Variants in FOXP2 observed in about 807,000 individuals in gnomAD.
FOXP2 encodes the protein forkhead box P2.
FOXP2 carries 12 observed loss-of-function variants against 115.8 expected under a neutral mutation model. The ratio of observed to expected loss-of-function variants is 0.10; its 90% CI spans 0.07 to 0.17. The LOEUF (loss-of-function observed/expected upper bound fraction) is 0.17, where lower values mean the gene tolerates loss of function less well. Among genes scored for constraint, FOXP2 ranks in the 10% least tolerant of loss-of-function variants. FOXP2 has a pLI of 1.00. For synonymous variants in FOXP2, 328 were observed against 297.7 expected, an observed-to-expected ratio of 1.10 and a Z score of -1.05; for missense variants, 629 against 843.5, an observed-to-expected ratio of 0.75 and a Z score of 3.15.
intron 1 of FOXP2, among the ~76,000 whole-genome samples, chr7:114,217,159 G>T (rs533937767): frequency 1.3e-5 from 2 of 152,062 alleles, no homozygotes; most frequent in Admixed American, 6.5e-5. Context: ...GAAGTAAAAC[G>T]CATGGTTTGT....
chr7:114,243,062 A>G (rs141539905), intron 1 of FOXP2, among the ~76,000 whole-genome samples: 146 of 152,186 alleles, frequency 9.6e-4, no homozygotes, highest in African/African-American at 3.2e-3. Flanking sequence ...AGTCATTTTT[A>G]TATGTATCCA....
At chr7:114,543,965 G>A (rs766416494) in intron 3 of FOXP2, among the ~76,000 whole-genome samples, 1 of 152,018 alleles carries the variant, frequency 6.6e-6, no homozygotes, top group Non-Finnish European at 1.5e-5. Flanking sequence ...ATTAATTACC[G>A]GGAAATGTTC....
At chr7:114,465,372 A>G (rs547211494) in intron 2 of FOXP2, among the ~76,000 whole-genome samples, 1 of 152,336 alleles carries the variant, frequency 6.6e-6, no homozygotes, top group African/African-American at 2.4e-5. Flanking sequence ...TCACCTAGTT[A>G]ATAAATTTTA....
chr7:114,504,732 G>A (rs921153279), intron 2 of FOXP2, among the ~76,000 whole-genome samples: 2 of 151,592 alleles, frequency 1.3e-5, no homozygotes, highest in Non-Finnish European at 3.0e-5. Flanking sequence ...GATGTTTTCT[G>A]TATAAAATAT....
intron 3 of FOXP2, among the ~76,000 whole-genome samples, chr7:114,587,928 T>G (rs1277019424): frequency 1.4e-5 from 2 of 140,380 alleles, no homozygotes; most frequent in Non-Finnish European, 3.0e-5. Context: ...TTCTCATCCT[T>G]ATTTTAAGTG....
chr7:114,474,935 G>T (rs994346250), intron 2 of FOXP2, among the ~76,000 whole-genome samples: 1 of 151,910 alleles, frequency 6.6e-6, no homozygotes, highest in Admixed American at 6.6e-5. Context: ...TCATTGGTGA[G>T]GTGATTTGAG....
At chr7:114,333,498 A>G (rs1797764470) in intron 2 of FOXP2, among the ~76,000 whole-genome samples, 2 of 152,218 alleles carry the variant, frequency 1.3e-5, no homozygotes, top group South Asian at 4.1e-4. Flanking sequence ...CACGCCTGTA[A>G]TCCCAGCACA....
intron 1 of FOXP2, among the ~76,000 whole-genome samples, chr7:114,272,014 T>G (rs1175144690): frequency 7.3e-6 from 1 of 137,416 alleles, no homozygotes; most frequent in East Asian, 2.1e-4. Flanking sequence ...ATTATAATTA[T>G]AATATTAATA....
intron 16 of FOXP2, among the ~76,000 whole-genome samples, chr7:114,679,545 T>G (rs1807968372): frequency 6.6e-6 from 1 of 152,156 alleles, no homozygotes; most frequent in Non-Finnish European, 1.5e-5. Flanking sequence ...TTAAACATCA[T>G]GAAATGCAAC....
rs150141406 is a variant in FOXP2 at position 114,223,017 on chromosome 7, C to A, written c.-102+59929C>A. On this transcript the variant is annotated intron_variant, in intron 1 of 17. Transcript: ENST00000634411. ...ACTTATCTATTTTATTGTTGATAGACTTTTGTTTGTTTGTTGTTGCAGTTG... is the reference window on the plus strand; with the variant it reads ...ACTTATCTATTTTATTGTTGATAGAATTTTGTTTGTTTGTTGTTGCAGTTG... 1.5e-3 allele frequency among the ~76,000 whole-genome samples: 225 copies of A among 152,184 alleles called. 1 individual carries two copies. Among genetic ancestry groups the A allele is most frequent in the African/African-American group, 5.1e-3 (210 of 41,536 alleles).
At chr7:114,630,151 T>A (rs1804822522) in intron 5 of FOXP2, 146 bp downstream of exon 5, 2 of 1,403,704 alleles carry the variant, frequency 1.4e-6, no homozygotes, top group Non-Finnish European at 2.0e-6. Context: ...TTAGTAACAG[T>A]GATAGGCTCT....
intron 2 of FOXP2, among the ~76,000 whole-genome samples, chr7:114,485,364 G>A (rs1325478729): frequency 6.6e-6 from 1 of 151,802 alleles, no homozygotes; most frequent in Non-Finnish European, 1.5e-5. Context: ...GAAATACTAA[G>A]AACATTCAGC....
intron 1 of FOXP2, among the ~76,000 whole-genome samples, chr7:114,145,447 T>TTTTCTTTTCTTTTCTTTTCTTTTCG: frequency 1.1e-5 from 1 of 95,182 alleles, no homozygotes; most frequent in Admixed American, 1.1e-4. Flanking sequence ...TTTTCTTTTC[T>TTTTCTTTTCTTTTCTTTTCTTTTCG]TTTCTTTTCT....
chr7:114,239,845 C>A (rs1448907385), intron 1 of FOXP2, among the ~76,000 whole-genome samples: 2 of 152,164 alleles, frequency 1.3e-5, no homozygotes, highest in Non-Finnish European at 2.9e-5. Flanking sequence ...TTATTAAACA[C>A]ACAAACATGC....
At position 114,642,392 on chromosome 7, in the gene FOXP2, C is replaced by G; in HGVS notation, c.776-18C>G. 1 of 1,607,146 alleles carries G rather than the reference C, an allele frequency of 6.2e-7. No individual in the cohort carries two copies. Among genetic ancestry groups the G allele is most frequent in the Non-Finnish European group, 8.5e-7 (1 of 1,174,374 alleles). ...CCTTTACCTTGTTATGCTAGTGAAG[C>G]TTTCTTTCATTTTATAGCTGGCTTA... On this transcript the variant is annotated intron_variant, in intron 6 of 16. Coordinates refer to ENST00000350908, the MANE Select transcript of FOXP2 (RefSeq NM_014491.4).
chr7:114,253,844 G>A (rs1339947594), intron 1 of FOXP2, among the ~76,000 whole-genome samples: 2 of 152,194 alleles, frequency 1.3e-5, no homozygotes, highest in African/African-American at 4.8e-5. Flanking sequence ...TATGATGTTA[G>A]CTGGTTATTT....
At chr7:114,369,339 C>A (rs1373569104) in intron 2 of FOXP2, among the ~76,000 whole-genome samples, 1 of 152,146 alleles carries the variant, frequency 6.6e-6, no homozygotes, top group African/African-American at 2.4e-5. Flanking sequence ...GGTATCTTTA[C>A]AACAGCAGAG....
chr7:114,651,426 T>C (rs1324245378), intron 8 of FOXP2, among the ~76,000 whole-genome samples: 1 of 152,126 alleles, frequency 6.6e-6, no homozygotes, highest in Non-Finnish European at 1.5e-5. Context: ...TTCATGTTCA[T>C]TGGAGATGCT....
chr7:114,688,686 C>T (rs1478892314), intron 16 of FOXP2, among the ~76,000 whole-genome samples: 1 of 152,136 alleles, frequency 6.6e-6, no homozygotes, highest in African/African-American at 2.4e-5. Context: ...TAGTTGCCCA[C>T]TTCCCCATCA....
Sources: gnomAD v4.1 joint callset for allele counts (sites outside exome capture counted in the v4.1 genomes callset) on GRCh38, gnomAD v4.1.1 for gene constraint, MANE v1.5 for transcripts, NCBI Gene and HGNC (gene_info 2026-07-23, HGNC 2026-07-21) for gene names.